The following UIMC1 variants were observed in gnomAD, a reference collection of about 807,000 sequenced individuals.
UIMC1 encodes the protein ubiquitin interaction motif containing 1.
UIMC1 carries 42 observed loss-of-function variants against 84.9 expected under a neutral mutation model. That is an observed-to-expected ratio of 0.49 (90% confidence interval 0.39 to 0.64). The LOEUF (loss-of-function observed/expected upper bound fraction) is 0.64, where lower values mean the gene tolerates loss of function less well. Among genes scored for constraint, UIMC1 ranks in the 30% least tolerant of loss-of-function variants. The pLI is 0.00. For synonymous variants in UIMC1, 281 were observed against 293.0 expected (o/e 0.96, Z 0.42); for missense variants, 825 against 847.6 (o/e 0.97, Z 0.33).
intron 1 of UIMC1, among the ~76,000 whole-genome samples, chr5:177,018,337 G>A (rs1293428499): frequency 7.0e-6 from 1 of 143,096 alleles, no homozygotes; most frequent in Non-Finnish European, 1.5e-5. Context: ...GTGACAGAGT[G>A]AGACTCTGTC....
chr5:176,909,747 A>G (rs1043540436), intron 11 of UIMC1, among the ~76,000 whole-genome samples: 5 of 152,228 alleles, frequency 3.3e-5, no homozygotes, highest in African/African-American at 1.2e-4. Flanking sequence ...GAAAAGCTAG[A>G]CTAGTATACC....
intron 2 of UIMC1, among the ~76,000 whole-genome samples, chr5:176,979,863 A>G (rs1451619657): frequency 1.3e-5 from 2 of 152,134 alleles, no homozygotes; most frequent in Non-Finnish European, 2.9e-5. Context: ...CTAGTAAAGT[A>G]TTATTTTCTG....
In UIMC1 at chr5:176,905,048, A is replaced by C; in HGVS notation, c.*234T>G. Reference sequence around the variant, plus strand: ...TGAAATAAGATTTCGTACAAACATAAATATATTTAAATTTTTTAACTGTAA... The same window carrying C: ...TGAAATAAGATTTCGTACAAACATACATATATTTAAATTTTTTAACTGTAA... On this transcript the variant is annotated 3_prime_UTR_variant, in exon 15 of 15. Coordinates refer to ENST00000511320, the MANE Select transcript of UIMC1 (RefSeq NM_001199298.2). 2.5e-6 allele frequency: 1 copy of C among 395,282 alleles called. No homozygotes were observed. Among genetic ancestry groups the C allele is most frequent in the South Asian group, 4.9e-5 (1 of 20,570 alleles). The allele number at this position is 395,282 out of a possible 1,614,324, so 24.5% of individuals were successfully genotyped here.
At position 176,980,313 on chromosome 5, in the gene UIMC1, C is replaced by CTTCT. The variant is rs1408496385; in HGVS notation, c.147+2155_147+2156insAGAA. The CTTCT allele has an allele frequency of 4.0e-5, 6 of 148,362 alleles. No individual in the cohort carries two copies. The East Asian group carries it at 5.8e-4, about 14-fold the overall frequency. 9.2% of individuals were successfully genotyped at this position (148,362 alleles called of 1,614,324 possible). A position where few individuals can be genotyped will look rare whatever the true frequency, so the allele number is the denominator to read the frequency against. ...CCTTCTGTCCGTCCTTCTGTCCGTC[C>CTTCT]ATCCGTCCATCCGTCCATCCGTCCA... On this transcript the variant is annotated intron_variant, in intron 2 of 14. Transcript: ENST00000511320.
At position 176,975,434 on chromosome 5, in the gene UIMC1, G is replaced by A. The variant is rs1239864607; in HGVS notation, c.194C>T (p.Ser65Leu). The stretch of plus-strand genomic sequence containing the variant: ...TTTGGCCAAACACTTTGCTCTATTC[G>A]ACTGTTTTGTCTTCGTTTTCTGCAA... ...NGLQKTKTKQ[S>L]NRAKCLAKRK... Residue 65 changes from serine (S) to leucine (L), a missense_variant, in exon 3 of 15, where the codon TCG becomes TTG. By Grantham distance (145) the Ser-to-Leu change is moderately radical (BLOSUM62 -2). Coordinates refer to ENST00000511320, the MANE Select transcript of UIMC1 (RefSeq NM_001199298.2). 14 of 1,613,708 alleles carry A rather than the reference G, an allele frequency of 8.7e-6. No individual in the cohort carries two copies. Among genetic ancestry groups the A allele is most frequent in the South Asian group, 2.2e-5 (2 of 91,040 alleles).
intron 1 of UIMC1, among the ~76,000 whole-genome samples, chr5:177,014,226 G>T (rs1775627366): frequency 6.6e-6 from 1 of 151,642 alleles, no homozygotes; most frequent in African/African-American, 2.4e-5. Context: ...CTGATTTTTT[G>T]TATTTTTAGT....
chr5:176,938,777 AGCTCTC>A (rs1428446598), intron 10 of UIMC1, among the ~76,000 whole-genome samples: 2 of 152,166 alleles, frequency 1.3e-5, no homozygotes. Context: ...TATTCACTGC[AGCTCTC>A]CTTTCTCCCA....
chr5:176,996,436 A>G (rs1004785326), intron 1 of UIMC1, among the ~76,000 whole-genome samples: 3 of 152,200 alleles, frequency 2.0e-5, no homozygotes, highest in Admixed American at 6.5e-5. Flanking sequence ...AACAAACTAA[A>G]AAAGGACTTG....
chr5:177,012,521 T>C (rs1178384220), intron 1 of UIMC1, among the ~76,000 whole-genome samples: 1 of 151,798 alleles, frequency 6.6e-6, no homozygotes, highest in Non-Finnish European at 1.5e-5. Context: ...GGAGAAATGT[T>C]GTCTCTACTA....
At chr5:176,925,185 T>C (rs1762238823) in intron 10 of UIMC1, among the ~76,000 whole-genome samples, 1 of 152,004 alleles carries the variant, frequency 6.6e-6, no homozygotes. Flanking sequence ...AATTTTAAAA[T>C]GGACAAAACA....
intron 14 of UIMC1, 172 bp downstream of exon 14, chr5:176,905,839 C>T: frequency 2.9e-6 from 2 of 688,788 alleles, no homozygotes; most frequent in Non-Finnish European, 4.9e-6. Context: ...TTGAGTTATC[C>T]AATCTTTAGC....
chr5:176,974,765 A>G (rs1293084420), intron 3 of UIMC1, among the ~76,000 whole-genome samples: 4 of 152,118 alleles, frequency 2.6e-5, no homozygotes, highest in Admixed American at 2.6e-4. Flanking sequence ...GTGAGCCAAG[A>G]TCACGCCAGC....
chr5:176,982,682 A>G (rs921868321), intron 1 of UIMC1, 59 bp from the exon 2 acceptor site: 25 of 1,524,034 alleles, frequency 1.6e-5, no homozygotes, highest in African/African-American at 4.2e-5. Context: ...TACTTAAAGT[A>G]TAAGTTTTCT....
At chr5:177,019,243 C>T (rs1170012068) in intron 1 of UIMC1, among the ~76,000 whole-genome samples, 1 of 152,092 alleles carries the variant, frequency 6.6e-6, no homozygotes, top group African/African-American at 2.4e-5. Flanking sequence ...AAACCTTTAC[C>T]TTTCCTAGTC....
At chr5:176,972,510 C>A (rs890631126) in intron 3 of UIMC1, among the ~76,000 whole-genome samples, 2 of 152,008 alleles carry the variant, frequency 1.3e-5, no homozygotes, top group Non-Finnish European at 2.9e-5. Context: ...CCAAGCCAGG[C>A]AGATCACCTG....
At chr5:176,959,640 C>T (rs1206533354) in intron 6 of UIMC1, among the ~76,000 whole-genome samples, 3 of 146,968 alleles carry the variant, frequency 2.0e-5, no homozygotes, top group Admixed American at 6.9e-5. Context: ...GGCGTGAACC[C>T]GGGAGGCGGA....
chr5:176,948,438 AAACC>A (rs1765410663), intron 9 of UIMC1, among the ~76,000 whole-genome samples: 2 of 152,372 alleles, frequency 1.3e-5, no homozygotes, highest in South Asian at 4.1e-4. Context: ...TTTCACCTGC[AAACC>A]AACAGAGTAA....
intron 11 of UIMC1, 89 bp from the exon 12 acceptor site, chr5:176,908,783 C>A: frequency 7.1e-7 from 1 of 1,409,528 alleles, no homozygotes; most frequent in Non-Finnish European, 9.7e-7. Flanking sequence ...TGTGTTTTTA[C>A]GTCGCAAAGT....
chr5:177,022,499 C>T, exon 1 of UIMC1: 1 of 494,508 alleles, frequency 2.0e-6, no homozygotes, highest in Non-Finnish European at 3.5e-6. Flanking sequence ...CAAAACCACA[C>T]GAGCCTCTCC....
Sources: gnomAD v4.1 joint callset for allele counts (sites outside exome capture counted in the v4.1 genomes callset) on GRCh38, gnomAD v4.1.1 for gene constraint, MANE v1.5 for transcripts, NCBI Gene and HGNC (gene_info 2026-07-23, HGNC 2026-07-21) for gene names.